Variants in USP4 observed in about 807,000 individuals in gnomAD.
The protein encoded by USP4 is ubiquitin carboxyl-terminal hydrolase 4.
Under a neutral mutation model 118.2 loss-of-function variants are expected in USP4, and 72 were observed. That is an observed-to-expected ratio of 0.61 (90% CI 0.50 to 0.74). The LOEUF (loss-of-function observed/expected upper bound fraction) is 0.74. USP4 is among the 30% of genes least tolerant of loss of function. USP4 has a pLI of 0.00. For missense variants in USP4, 1,037 were observed against 1,185.7 expected (o/e 0.87, Z 1.84); for synonymous variants, 415 against 440.4 (o/e 0.94, Z 0.72).
intron 8 of USP4, among the ~76,000 whole-genome samples, chr3:49,307,308 C>T (rs985046697): frequency 1.5e-4 from 23 of 150,680 alleles, no homozygotes; most frequent in African/African-American, 5.4e-4. Flanking sequence ...ATTAGCTGGG[C>T]GTAGTGGCAC....
intron 15 of USP4, among the ~76,000 whole-genome samples, chr3:49,287,072 G>T (rs1321818424): frequency 6.6e-6 from 1 of 151,986 alleles, no homozygotes; most frequent in Non-Finnish European, 1.5e-5. Flanking sequence ...GGCTGGTCTC[G>T]AACTCCTGAC....
intron 6 of USP4, chr3:49,317,295 G>C: frequency 6.7e-7 from 1 of 1,483,556 alleles, no homozygotes; most frequent in Non-Finnish European, 9.3e-7. Flanking sequence ...TCTCGTTGAC[G>C]CAGGCCAGCT....
rs530257970 is a variant in USP4 at position 49,296,986 on chromosome 3, G to A, written c.1691+884C>T. Among the ~76,000 whole-genome samples, 5 of 152,340 alleles carry A rather than the reference G, an allele frequency of 3.3e-5. No individual in the cohort carries two copies. The South Asian group carries it at 1.0e-3, about 32-fold the overall frequency. Reference sequence around the variant, plus strand: ...GCAAGTGAGAACAGAAATAGATCTTGGGTGTGGCTAGGAACTATTCCTTTT... The same window carrying A: ...GCAAGTGAGAACAGAAATAGATCTTAGGTGTGGCTAGGAACTATTCCTTTT... On this transcript the variant is annotated intron_variant, in intron 13 of 21. Transcript: ENST00000265560.
intron 18 of USP4, 33 bp downstream of exon 18, chr3:49,284,433 G>A: frequency 6.4e-7 from 1 of 1,569,098 alleles, no homozygotes; most frequent in Non-Finnish European, 8.8e-7. Flanking sequence ...GGGGTGCATG[G>A]GGCCTCTGCC....
At chr3:49,328,323 A>ACT (rs1456864541) in intron 2 of USP4, among the ~76,000 whole-genome samples, 2 of 151,812 alleles carry the variant, frequency 1.3e-5, no homozygotes, top group African/African-American at 4.8e-5. Flanking sequence ...ACGCCACTGC[A>ACT]CTCCAGCCTG....
intron 6 of USP4, among the ~76,000 whole-genome samples, chr3:49,313,460 G>A (rs1053703846): frequency 2.0e-5 from 3 of 152,036 alleles, no homozygotes; most frequent in African/African-American, 7.2e-5. Flanking sequence ...CCCAGGAGGC[G>A]GAGGTTGTAG....
At chr3:49,286,750 C>T (rs2107768168) in intron 15 of USP4, among the ~76,000 whole-genome samples, 1 of 152,218 alleles carries the variant, frequency 6.6e-6, no homozygotes, top group Admixed American at 6.6e-5. Flanking sequence ...CCATTCCATC[C>T]ATTCCTTCCA....
chr3:49,329,782 G>A (rs1448434113), intron 2 of USP4, among the ~76,000 whole-genome samples: 2 of 152,086 alleles, frequency 1.3e-5, no homozygotes, highest in African/African-American at 4.8e-5. Context: ...AGATCCTTCA[G>A]GAGAATCACT....
At chr3:49,320,886 C>G (rs2047492261) in intron 6 of USP4, among the ~76,000 whole-genome samples, 1 of 152,112 alleles carries the variant, frequency 6.6e-6, no homozygotes, top group African/African-American at 2.4e-5. Flanking sequence ...GCTATTTTCC[C>G]CTCCTTCCTT....
In USP4 at chr3:49,297,945, T is replaced by A; in HGVS notation, c.1616A>T (p.Tyr539Phe). The change falls in exon 13 of 22, where the codon TAT (tyrosine) becomes TTT (phenylalanine). Residue 539 changes from tyrosine (Y) to phenylalanine (F), a missense_variant. Physicochemically the swap from Tyr to Phe is conservative, Grantham distance 22. Transcript: ENST00000265560. ...GAAAATTTTGTGGAATCGGTGATTA[T>A]ACACATCTGCGACCACCATCTAAGA... ...AAENMVVADV[Y>F]NHRFHKIFQM... 1 of 1,613,278 alleles carries A rather than the reference T, an allele frequency of 6.2e-7. No homozygotes were observed. Among genetic ancestry groups the A allele is most frequent in the East Asian group, 2.2e-5 (1 of 44,878 alleles).
chr3:49,298,512 A>G (rs568600026), intron 12 of USP4, 40 bp downstream of exon 12: 1 of 1,597,712 alleles, frequency 6.3e-7, no homozygotes, highest in South Asian at 1.1e-5. Context: ...GCTATGAAGT[A>G]TCCCAAATAG....
rs199820956 is a variant in USP4 at position 49,298,619 on chromosome 3, G to A, written c.1529C>T (p.Pro510Leu). Residue 510 changes from proline (P) to leucine (L), a missense_variant, in exon 12 of 22, where the codon CCG (proline) becomes CTG (leucine). Physicochemically the swap from Pro to Leu is moderately conservative, Grantham distance 98 (BLOSUM62 -3). Coordinates refer to ENST00000265560, the MANE Select transcript of USP4 (RefSeq NM_003363.4). ...CAGGTCGGACACAGCCCCCATCAGC[G>A]GCACAGTCACACGGTACTGCAAGAC... Reference protein sequence around the residue: ...CRPTQYRVTVPLMGAVSDLCE... With the variant: ...CRPTQYRVTVLLMGAVSDLCE... The A allele has an allele frequency of 2.1e-5, 34 of 1,614,090 alleles. No individual in the cohort carries two copies. In the East Asian group the frequency reaches 3.6e-4, roughly 17 times the overall value.
Position 49,277,297 on chromosome 3 carries a change from T to G in USP4, c.*996A>C. 1 of 1,226,360 alleles carries G rather than the reference T, an allele frequency of 8.2e-7. No homozygotes were observed. The highest frequency in any genetic ancestry group is 1.1e-6 in the Non-Finnish European group (1 of 934,068). The allele number at this position is 1,226,360 out of a possible 1,614,324, so 76.0% of individuals were successfully genotyped here. A position where few individuals can be genotyped will look rare whatever the true frequency, so the allele number is the denominator to read the frequency against. On this transcript the variant is annotated 3_prime_UTR_variant, in exon 22 of 22. Transcript: ENST00000265560. ...GGTCAGACAAAAAATCCCGGACCCATACGTCCGGTTCCTTAAGGCCTTGCC... is the reference window on the plus strand; with the variant it reads ...GGTCAGACAAAAAATCCCGGACCCAGACGTCCGGTTCCTTAAGGCCTTGCC...
rs546862835 is a variant in USP4 at position 49,328,811 on chromosome 3, G to A, written c.230-995C>T. Among the ~76,000 whole-genome samples, 5 of 152,068 alleles carry A rather than the reference G, an allele frequency of 3.3e-5. No homozygotes were observed. In the South Asian group the frequency reaches 1.0e-3, roughly 32 times the overall value. Reference sequence around the variant, plus strand: ...GGAGGTGGAGACTGCAGTGAGCCGAGATACCCCACTGTACTCCAGCCTGGG... The same window carrying A: ...GGAGGTGGAGACTGCAGTGAGCCGAAATACCCCACTGTACTCCAGCCTGGG... On this transcript the variant is annotated intron_variant, in intron 2 of 21. Transcript: ENST00000265560.
At chr3:49,292,979 G>A (rs868333211) in intron 14 of USP4, among the ~76,000 whole-genome samples, 4 of 152,142 alleles carry the variant, frequency 2.6e-5, no homozygotes, top group South Asian at 2.1e-4. Context: ...GCAGTGAGCC[G>A]AGATCATGCC....
chr3:49,329,292 C>T (rs2047589272), intron 2 of USP4, among the ~76,000 whole-genome samples: 1 of 152,174 alleles, frequency 6.6e-6, no homozygotes, highest in East Asian at 1.9e-4. Flanking sequence ...ACTTCTCCCA[C>T]TGATGTCTTG....
intron 4 of USP4, 22 bp from the exon 5 acceptor site, chr3:49,325,061 A>G: frequency 6.2e-7 from 1 of 1,607,852 alleles, no homozygotes; most frequent in Non-Finnish European, 8.5e-7. Context: ...CAGAAATATC[A>G]CTTGGGGCTT....
intron 21 of USP4, 83 bp from the exon 22 acceptor site, chr3:49,278,534 C>T: frequency 6.7e-7 from 1 of 1,502,944 alleles, no homozygotes. Context: ...TGTCCAAAAC[C>T]CTCAAGGATC....
chr3:49,322,889 A>G (rs946049364), intron 6 of USP4, among the ~76,000 whole-genome samples: 4 of 151,320 alleles, frequency 2.6e-5, no homozygotes, highest in Admixed American at 6.6e-5. Flanking sequence ...AAAATTCTGG[A>G]CACAACTTGT....
Sources: gnomAD v4.1 joint callset for allele counts (sites outside exome capture counted in the v4.1 genomes callset) on GRCh38, gnomAD v4.1.1 for gene constraint, MANE v1.5 for transcripts, NCBI Gene and HGNC (gene_info 2026-07-23, HGNC 2026-07-21) for gene names.